INPP4A: variants seen among roughly 807,000 people sequenced by gnomAD.
INPP4A encodes inositol polyphosphate-4-phosphatase type I A.
Under a neutral mutation model 119.8 loss-of-function variants are expected in INPP4A, and 33 were observed. That is an observed-to-expected ratio of 0.28 (90% CI 0.21 to 0.37). The LOEUF is 0.37. Among genes scored for constraint, INPP4A ranks in the 10% least tolerant of loss-of-function variants. The probability of loss-of-function intolerance (pLI) is 1.00; values close to 1 mark genes in which losing one functional copy is unlikely to be tolerated. For synonymous variants in INPP4A, 496 were observed against 500.7 expected (o/e 0.99, Z 0.12); for missense variants, 956 against 1,289.9 (o/e 0.74, Z 3.97).
intron 1 of INPP4A, among the ~76,000 whole-genome samples, chr2:98,452,094 G>C (rs990223946): frequency 3.3e-5 from 5 of 152,216 alleles, no homozygotes; most frequent in African/African-American, 1.2e-4. Context: ...GGGGCAGTGG[G>C]ACTGCGTGCT....
intron 4 of INPP4A, among the ~76,000 whole-genome samples, chr2:98,531,647 C>A (rs769548106): frequency 6.6e-6 from 1 of 152,102 alleles, no homozygotes; most frequent in Non-Finnish European, 1.5e-5. Flanking sequence ...CTAGACCGAC[C>A]GCTGACTTCA....
At chr2:98,535,659 G>A (rs1197258219) in intron 5 of INPP4A, 70 bp from the exon 6 acceptor site, 1 of 688,324 alleles carries the variant, frequency 1.5e-6, no homozygotes, top group Non-Finnish European at 2.5e-6. Flanking sequence ...GAAAATGTTG[G>A]TGTATTTCAA....
At chr2:98,490,516 A>C (rs981514831) in intron 1 of INPP4A, among the ~76,000 whole-genome samples, 17 of 150,768 alleles carry the variant, frequency 1.1e-4, no homozygotes, top group African/African-American at 3.4e-4. Flanking sequence ...TATCATGGTT[A>C]TATATGGAGA....
intron 19 of INPP4A, 90 bp from the exon 20 acceptor site, chr2:98,565,550 A>G: frequency 6.9e-7 from 1 of 1,442,088 alleles, no homozygotes; most frequent in Non-Finnish European, 9.3e-7. Flanking sequence ...CTCCTGTCAC[A>G]GCCAGGCCTG....
Position 98,587,493 on chromosome 2 carries a change from A to G in INPP4A, c.2804A>G (p.Glu935Gly). Residue 935 changes from glutamate to glycine, a missense_variant, in exon 25 of 25, where the codon GAA (glutamate) becomes GGA (glycine). This residue lies in a region of INPP4A where 304 missense variants were observed against 492.1 expected (regional missense o/e 0.62). Coordinates refer to ENST00000409851, the MANE Select transcript of INPP4A (RefSeq NM_001134225.2). ...TTCCCCAGTGAGGGTTGTCGAAGAGAAAATACAATGAAGAATGTTGGAAGT... is the reference window on the plus strand; with the variant it reads ...TTCCCCAGTGAGGGTTGTCGAAGAGGAAATACAATGAAGAATGTTGGAAGT... ...ECMRSEGCRR[E>G]NTMKNVGSRK... 1 of 1,596,074 alleles carries G rather than the reference A, an allele frequency of 6.3e-7. No individual in the cohort carries two copies. Among genetic ancestry groups the G allele is most frequent in the Non-Finnish European group, 8.5e-7 (1 of 1,173,298 alleles).
chr2:98,499,999 C>G (rs1682795508), intron 1 of INPP4A, among the ~76,000 whole-genome samples: 1 of 152,150 alleles, frequency 6.6e-6, no homozygotes, highest in Non-Finnish European at 1.5e-5. Context: ...GTGGCAGACT[C>G]ATATCTAATT....
intron 1 of INPP4A, among the ~76,000 whole-genome samples, chr2:98,516,268 A>T (rs1686107231): frequency 6.6e-6 from 1 of 152,206 alleles, no homozygotes; most frequent in Admixed American, 6.5e-5. Context: ...ATTCTAATTA[A>T]ATGTCCCCAA....
intron 2 of INPP4A, chr2:98,519,708 T>G (rs1686817520): frequency 3.8e-6 from 1 of 265,618 alleles, no homozygotes; most frequent in African/African-American, 2.3e-5. Flanking sequence ...GTGGCATATC[T>G]CTGCTGAAGA....
Position 98,569,720 on chromosome 2 carries a change from T to G in INPP4A, c.2518+1052T>G, listed in dbSNP as rs55676747. ...TGGCTCTGAAGCCCATGTGCTTGGA[T>G]TGTGGCTGAAGCCGTCCTGCTAGGA... On this transcript the variant is annotated intron_variant, in intron 22 of 24. Coordinates refer to ENST00000409851, the MANE Select transcript of INPP4A (RefSeq NM_001134225.2). The surrounding 1 kb of genome is among the most constrained non-coding windows in gnomAD (Gnocchi z 5.1). The G allele has an allele frequency of 6.6e-6, 1 of 152,118 alleles. No individual in the cohort carries two copies. The highest frequency in any genetic ancestry group is 1.5e-5 in the Non-Finnish European group (1 of 68,074). The allele number at this position is 152,118 out of a possible 1,614,324, so 9.4% of individuals were successfully genotyped here.
At chr2:98,543,795 C>T in intron 10 of INPP4A, 82 bp from the exon 11 acceptor site, 1 of 1,540,768 alleles carries the variant, frequency 6.5e-7, no homozygotes, top group East Asian at 2.3e-5. Context: ...CCTGCAAATG[C>T]TGTTGTCCTG....
At chr2:98,462,787 C>A (rs894034429) in intron 1 of INPP4A, among the ~76,000 whole-genome samples, 4 of 152,088 alleles carry the variant, frequency 2.6e-5, no homozygotes, top group African/African-American at 9.7e-5. Context: ...TTTCAAAGTG[C>A]TGGGATTACT....
chr2:98,498,146 G>T (rs974677549), intron 1 of INPP4A, among the ~76,000 whole-genome samples: 2 of 152,132 alleles, frequency 1.3e-5, no homozygotes, highest in Admixed American at 1.3e-4. Context: ...GGGGTGGAAT[G>T]ATATGGTTTG....
At chr2:98,468,812 A>G (rs1237150025) in intron 1 of INPP4A, among the ~76,000 whole-genome samples, 2 of 152,024 alleles carry the variant, frequency 1.3e-5, no homozygotes, top group Non-Finnish European at 2.9e-5. Flanking sequence ...CATGGCTGAG[A>G]TTGAGAGCCA....
In INPP4A at chr2:98,546,229, TA is replaced by T. The variant is rs1206479066; in HGVS notation, c.1054+158del. 1.3e-5 allele frequency among the ~76,000 whole-genome samples: 2 copies of T among 152,214 alleles called. No individual in the cohort carries two copies. The highest frequency in any genetic ancestry group is 4.8e-5 in the African/African-American group (2 of 41,460). The stretch of plus-strand genomic sequence containing the variant: ...ACAAGGACCTTCAAAAGGTTTCTGA[TA>T]ACAGCCCACACCCCTTCCTTTTGTC... On this transcript the variant is annotated intron_variant, in intron 12 of 24. Coordinates refer to ENST00000409851, the MANE Select transcript of INPP4A (RefSeq NM_001134225.2). The surrounding 1 kb of genome is among the most constrained non-coding windows in gnomAD (Gnocchi z 4.2).
chr2:98,453,484 T>C (rs895890936), intron 1 of INPP4A, among the ~76,000 whole-genome samples: 2 of 152,250 alleles, frequency 1.3e-5, no homozygotes, highest in African/African-American at 4.8e-5. Flanking sequence ...GGTGTTGTTA[T>C]GGTGTGACTG....
At chr2:98,466,377 C>T (rs2104747605) in intron 1 of INPP4A, among the ~76,000 whole-genome samples, 1 of 152,364 alleles carries the variant, frequency 6.6e-6, no homozygotes, top group African/African-American at 2.4e-5. Flanking sequence ...CCCTGTAGAG[C>T]ACTCACTGTG....
chr2:98,553,913 A>G (rs1375853910), intron 14 of INPP4A, among the ~76,000 whole-genome samples: 2 of 152,232 alleles, frequency 1.3e-5, no homozygotes, highest in Non-Finnish European at 2.9e-5. Flanking sequence ...ACCCCTGGAC[A>G]CTTGTTCCCT....
In INPP4A at chr2:98,519,024, C is replaced by T. The variant is rs1316098402; in HGVS notation, c.-105C>T. 8 of 152,218 alleles carry T rather than the reference C, an allele frequency of 5.3e-5. No individual in the cohort carries two copies. The highest frequency in any genetic ancestry group is 1.7e-4 in the African/African-American group (7 of 41,450). 9.4% of individuals were successfully genotyped at this position (152,218 alleles called of 1,614,324 possible). On this transcript the variant is annotated splice_region_variant and 5_prime_UTR_variant, in exon 2 of 25. Transcript: ENST00000409851. ...CACATGGTCCGAGAGCAAACATGTC[C>T]AGTAAGTTGTTTGGTGAATTAACCC... is the stretch of plus-strand genomic sequence containing the variant.
intron 4 of INPP4A, among the ~76,000 whole-genome samples, chr2:98,529,730 C>T (rs1688850702): frequency 9.2e-5 from 14 of 151,838 alleles, no homozygotes; most frequent in Admixed American, 9.2e-4. Flanking sequence ...AGTGAGACTC[C>T]ATCTCAAAAT....
Sources: allele counts gnomAD v4.1 joint callset (sites outside exome capture counted in the v4.1 genomes callset), GRCh38; gene constraint gnomAD v4.1.1; regional missense constraint gnomAD v4.1.1; non-coding constraint Gnocchi (gnomAD v3.1); transcripts MANE v1.5; gene names NCBI Gene and HGNC (gene_info 2026-07-23, HGNC 2026-07-21).